The following PRKN variants were observed in gnomAD, a reference collection of about 807,000 sequenced individuals.
The protein encoded by PRKN is parkin RBR E3 ubiquitin protein ligase, also known as E3 ubiquitin-protein ligase parkin.
PRKN carries 56 observed loss-of-function variants against 59.5 expected under a neutral mutation model. The observed-to-expected ratio is 0.94, with a 90% CI of 0.76 to 1.18. The LOEUF (loss-of-function observed/expected upper bound fraction) is 1.18. Ranked by LOEUF, PRKN falls within the 50% of genes most tolerant of loss-of-function variation. The probability of loss-of-function intolerance (pLI) is 0.00; values close to 1 mark genes in which losing one functional copy is unlikely to be tolerated. For synonymous variants in PRKN, 250 were observed against 222.1 expected (o/e 1.13, Z -1.12); for missense variants, 657 against 596.4 (o/e 1.10, Z -1.06).
At chr6:162,458,210 C>G (rs377630754) in intron 1 of PRKN, among the ~76,000 whole-genome samples, 1 of 133,242 alleles carries the variant, frequency 7.5e-6, no homozygotes, top group Non-Finnish European at 1.7e-5. Flanking sequence ...GAGCCAAGAT[C>G]GCTCCACTGC....
intron 1 of PRKN, among the ~76,000 whole-genome samples, chr6:162,714,592 T>C (rs766678899): frequency 4.8e-4 from 73 of 152,304 alleles, no homozygotes; most frequent in Non-Finnish European, 7.1e-4. Flanking sequence ...ATTGAAATGA[T>C]TGGATCAAGA....
chr6:162,622,299 T>A (rs59684475), intron 1 of PRKN, among the ~76,000 whole-genome samples: 1 of 141,592 alleles, frequency 7.1e-6, no homozygotes, highest in Non-Finnish European at 1.6e-5. Context: ...CTGTTTTTTT[T>A]TTTGTTTTGT....
At chr6:161,590,599 G>A (rs540611453) in intron 7 of PRKN, among the ~76,000 whole-genome samples, 39 of 152,208 alleles carry the variant, frequency 2.6e-4, no homozygotes, top group African/African-American at 8.7e-4. Context: ...CAGATGTGGT[G>A]GCACACGCCT....
At chr6:161,791,915 T>C (rs1790653146) in intron 6 of PRKN, among the ~76,000 whole-genome samples, 1 of 152,002 alleles carries the variant, frequency 6.6e-6, no homozygotes, top group Non-Finnish European at 1.5e-5. Context: ...CTTCCAAGAG[T>C]AGGTCAGAAA....
At chr6:161,991,074 A>C (rs996953262) in intron 5 of PRKN, among the ~76,000 whole-genome samples, 1 of 152,208 alleles carries the variant, frequency 6.6e-6, no homozygotes, top group Admixed American at 6.5e-5. Context: ...GAAACCTTAC[A>C]GGCAAGAGAG....
chr6:161,946,245 T>C (rs182795624), intron 6 of PRKN, among the ~76,000 whole-genome samples: 183 of 152,182 alleles, frequency 1.2e-3, no homozygotes, highest in African/African-American at 4.3e-3. Flanking sequence ...AAAGATGAAG[T>C]TTCTTATTTA....
chr6:162,617,096 T>G (rs1782453703), intron 1 of PRKN, among the ~76,000 whole-genome samples: 2 of 152,176 alleles, frequency 1.3e-5, no homozygotes, highest in African/African-American at 4.8e-5. Flanking sequence ...ATGTGATATT[T>G]TGATATATGT....
At chr6:162,421,780 A>G (rs1407456053) in intron 2 of PRKN, among the ~76,000 whole-genome samples, 5 of 152,240 alleles carry the variant, frequency 3.3e-5, no homozygotes. Context: ...ACATCATTAC[A>G]TAATGTTGAC....
At position 161,369,713 on chromosome 6, in the gene PRKN, A is replaced by G. The variant is rs1785363022; in HGVS notation, c.1168-9508T>C. Among the ~76,000 whole-genome samples, 1 of 152,060 alleles carries G rather than the reference A, an allele frequency of 6.6e-6. No individual in the cohort carries two copies. The highest frequency in any genetic ancestry group is 2.4e-5 in the African/African-American group (1 of 41,388). On this transcript the variant is annotated intron_variant, in intron 10 of 11. Coordinates refer to ENST00000366898, the MANE Select transcript of PRKN (RefSeq NM_004562.3). The surrounding 1 kb of genome is among the most constrained non-coding windows in gnomAD (Gnocchi z 5.8). ...GTGGAACAGGACAAGTCTCTCTCCTAATATACTTCATGGCTGAAAATAGCG... is the reference window on the plus strand; with the variant it reads ...GTGGAACAGGACAAGTCTCTCTCCTGATATACTTCATGGCTGAAAATAGCG...
intron 10 of PRKN, among the ~76,000 whole-genome samples, chr6:161,366,188 G>A (rs1368515748): frequency 6.6e-6 from 1 of 152,190 alleles, no homozygotes; most frequent in Admixed American, 6.5e-5. Context: ...ACTGTGAGAA[G>A]ATGCAGTGAG....
chr6:162,434,329 G>T (rs1789675800), intron 2 of PRKN, among the ~76,000 whole-genome samples: 1 of 152,146 alleles, frequency 6.6e-6, no homozygotes, highest in Non-Finnish European at 1.5e-5. Context: ...CCATTCAAAT[G>T]AGTCTGTGCA....
chr6:161,813,551 C>T (rs1791648967), intron 6 of PRKN, among the ~76,000 whole-genome samples: 1 of 152,210 alleles, frequency 6.6e-6, no homozygotes, highest in South Asian at 2.1e-4. Flanking sequence ...GGGAAGCCTA[C>T]AGTGCACATT....
At position 161,578,569 on chromosome 6, in the gene PRKN, A is replaced by G. The variant is rs1355776571; in HGVS notation, c.872-9153T>C. Among the ~76,000 whole-genome samples, 1 of 152,130 alleles carries G rather than the reference A, an allele frequency of 6.6e-6. No homozygotes were observed. Among genetic ancestry groups the G allele is most frequent in the Non-Finnish European group, 1.5e-5 (1 of 68,034 alleles). Reference sequence around the variant, plus strand: ...GTCATTGATCTGCTCAACTCCAATCAGTTTCCCACTTGAAAGATCTGCAAT... The same window carrying G: ...GTCATTGATCTGCTCAACTCCAATCGGTTTCCCACTTGAAAGATCTGCAAT... On this transcript the variant is annotated intron_variant, in intron 7 of 11. Coordinates refer to ENST00000366898, the MANE Select transcript of PRKN (RefSeq NM_004562.3). This position sits in a 1 kb window ranked among gnomAD's most constrained non-coding sequence, Gnocchi z 4.2.
intron 4 of PRKN, among the ~76,000 whole-genome samples, chr6:162,079,002 C>G (rs566695034): frequency 1.3e-5 from 2 of 152,146 alleles, no homozygotes; most frequent in Admixed American, 6.5e-5. Flanking sequence ...TTGAAGTCAT[C>G]AGAGGTTGCC....
intron 1 of PRKN, among the ~76,000 whole-genome samples, chr6:162,725,321 T>C (rs1448750166): frequency 6.6e-6 from 1 of 152,232 alleles, no homozygotes; most frequent in Non-Finnish European, 1.5e-5. Context: ...AAGTCTATAA[T>C]GTCTTTCCTG....
chr6:162,071,903 A>C (rs1012262960), intron 4 of PRKN, among the ~76,000 whole-genome samples: 4 of 151,962 alleles, frequency 2.6e-5, no homozygotes, highest in Non-Finnish European at 5.9e-5. Context: ...AACCTATTTT[A>C]CTTAATTACT....
chr6:161,476,003 G>A (rs544804344), intron 9 of PRKN, among the ~76,000 whole-genome samples: 4,319 of 151,964 alleles, frequency 0.028, 97 homozygotes, highest in Non-Finnish European at 0.042. Context: ...TGGTTAACAC[G>A]GTGAAAGCCT....
At chr6:161,802,557 G>A (rs375914455) in intron 6 of PRKN, among the ~76,000 whole-genome samples, 126 of 151,970 alleles carry the variant, frequency 8.3e-4, no homozygotes, top group Non-Finnish European at 1.0e-3. Flanking sequence ...CTGTGCGAGC[G>A]TGCTTCCCCA....
chr6:161,780,125 TG>T lies in PRKN; in HGVS notation c.871+5646del, dbSNP rs534602583. Among the ~76,000 whole-genome samples, 239 of 152,334 alleles carry T rather than the reference TG, an allele frequency of 1.6e-3. 1 individual carries two copies. The highest frequency in any genetic ancestry group is 5.6e-3 in the African/African-American group (233 of 41,576). ...ATTTTAATGTGTCCACATAAAATGA[TG>T]CTAATGCATTATCCCCATTTTACCT... On this transcript the variant is annotated intron_variant, in intron 7 of 11. Coordinates refer to ENST00000366898, the MANE Select transcript of PRKN (RefSeq NM_004562.3).
Sources: gnomAD v4.1 joint callset for allele counts (sites outside exome capture counted in the v4.1 genomes callset) on GRCh38, gnomAD v4.1.1 for gene constraint, Gnocchi (gnomAD v3.1) non-coding constraint, MANE v1.5 for transcripts, NCBI Gene and HGNC (gene_info 2026-07-23, HGNC 2026-07-21) for gene names.